Variants in CACNB2 observed in about 807,000 individuals in gnomAD.
The protein encoded by CACNB2 is voltage-dependent L-type calcium channel subunit beta-2.
Under a neutral mutation model 73.3 loss-of-function variants are expected in CACNB2, and 42 were observed. The observed-to-expected ratio is 0.57, with a 90% CI of 0.45 to 0.74. CACNB2 has a LOEUF of 0.74. Ranked by LOEUF, CACNB2 falls within the 30% of genes least tolerant of loss-of-function variation. The pLI is 0.00. For synonymous variants in CACNB2, 348 were observed against 310.3 expected, an observed-to-expected ratio of 1.12 and a Z score of -1.28; for missense variants, 940 against 853.0, an observed-to-expected ratio of 1.10 and a Z score of -1.27.
At chr10:18,183,396 G>A (rs1258882599) in intron 2 of CACNB2, among the ~76,000 whole-genome samples, 1 of 151,984 alleles carries the variant, frequency 6.6e-6, no homozygotes, top group Non-Finnish European at 1.5e-5. Flanking sequence ...TTTTGCCACT[G>A]TATTAGTCCA....
At chr10:18,217,890 C>T (rs1038959743) in intron 2 of CACNB2, among the ~76,000 whole-genome samples, 15 of 152,084 alleles carry the variant, frequency 9.9e-5, no homozygotes, top group Admixed American at 6.6e-4. Context: ...CTTGCCCCTG[C>T]GTTACCCTTG....
rs1336112573 is a variant in CACNB2, at chr10:18,499,613, C to CA, written c.456+1139dup. ...CTGGCGACAGAGTGAGATTCTGTCT[C>CA]AAAGAAAAAAAAAAAAAAAAAAAAA... On this transcript the variant is annotated intron_variant, in intron 4 of 13. Transcript: ENST00000324631. 6.7e-3 allele frequency among the ~76,000 whole-genome samples: 142 copies of CA among 21,342 alleles called. 7 individuals carry two copies. Among genetic ancestry groups the CA allele is most frequent in the African/African-American group, 0.014 (73 of 5,122 alleles). 14.0% of individuals were successfully genotyped at this position (21,342 alleles called of 152,430 possible).
chr10:18,273,859 C>T (rs2131659020), intron 2 of CACNB2, among the ~76,000 whole-genome samples: 1 of 152,314 alleles, frequency 6.6e-6, no homozygotes, highest in South Asian at 2.1e-4. Flanking sequence ...TGAAATACCA[C>T]ATACTCTTTC....
At chr10:18,188,194 TCCTTCCTG>T (rs994399245) in intron 2 of CACNB2, among the ~76,000 whole-genome samples, 2 of 152,090 alleles carry the variant, frequency 1.3e-5, no homozygotes, top group Admixed American at 1.3e-4. Flanking sequence ...CTTATCTCCT[TCCTTCCTG>T]CCTTCCTGCC....
chr10:18,216,306 CAAT>C (rs1457250006), intron 2 of CACNB2, among the ~76,000 whole-genome samples: 2 of 151,654 alleles, frequency 1.3e-5, no homozygotes, highest in African/African-American at 4.9e-5. Context: ...TCAAAAATAG[CAAT>C]AATAAATAAT....
chr10:18,172,924 C>CTTTTTTTTTTTTTTT (rs58345605), intron 2 of CACNB2, among the ~76,000 whole-genome samples: 13 of 117,474 alleles, frequency 1.1e-4, no homozygotes, highest in Admixed American at 2.7e-4. Context: ...ATAATAAGGC[C>CTTTTTTTTTTTTTTT]TTTTTTTTTT....
chr10:18,277,964 C>T (rs924691971), intron 2 of CACNB2, among the ~76,000 whole-genome samples: 4 of 152,162 alleles, frequency 2.6e-5, no homozygotes, highest in South Asian at 2.1e-4. Context: ...ATTAATTAGA[C>T]GTATATTTTG....
chr10:18,408,802 T>C (rs2044444515), intron 3 of CACNB2, among the ~76,000 whole-genome samples: 2 of 152,186 alleles, frequency 1.3e-5, no homozygotes, highest in African/African-American at 4.8e-5. Flanking sequence ...GACGCAAATT[T>C]TTTCTTCAAG....
At chr10:18,165,442 A>T (rs1564309318) in intron 2 of CACNB2, among the ~76,000 whole-genome samples, 1 of 152,220 alleles carries the variant, frequency 6.6e-6, no homozygotes. Context: ...GTGCAAAGGC[A>T]CGATCTATCG....
intron 2 of CACNB2, among the ~76,000 whole-genome samples, chr10:18,264,241 T>G (rs1227117953): frequency 6.6e-6 from 1 of 152,214 alleles, no homozygotes; most frequent in Non-Finnish European, 1.5e-5. Flanking sequence ...GATGCTTGGA[T>G]ACAGGTATGC....
rs1263260106 is a variant in CACNB2 at position 18,428,156 on chromosome 10, G to A, written c.333+26113G>A. Among the ~76,000 whole-genome samples the A allele has an allele frequency of 3.3e-5, 5 of 152,188 alleles. No homozygotes were observed. In the South Asian group the frequency reaches 1.0e-3, roughly 32 times the overall value. On this transcript the variant is annotated intron_variant, in intron 3 of 13. Transcript: ENST00000324631. ...CCAAAGATATGCAGGTGATCCTACTGTTGTCATTTCTGTCTCTGATTTCAG... is the reference window on the plus strand; with the variant it reads ...CCAAAGATATGCAGGTGATCCTACTATTGTCATTTCTGTCTCTGATTTCAG...
chr10:18,496,933 A>G (rs1029360871), intron 3 of CACNB2, among the ~76,000 whole-genome samples: 6 of 150,886 alleles, frequency 4.0e-5, no homozygotes, highest in African/African-American at 1.5e-4. Context: ...AGAAGAGGCC[A>G]GGCATGGTGT....
chr10:18,328,149 T>G (rs1049602786), intron 2 of CACNB2, among the ~76,000 whole-genome samples: 5 of 152,142 alleles, frequency 3.3e-5, no homozygotes, highest in Admixed American at 2.0e-4. Flanking sequence ...GCTGCCAGAA[T>G]TCAAGGGTCA....
chr10:18,480,820 A>C (rs576877553), intron 3 of CACNB2, among the ~76,000 whole-genome samples: 1 of 152,352 alleles, frequency 6.6e-6, no homozygotes, highest in East Asian at 1.9e-4. Context: ...AATATTTATC[A>C]CATCTTTTCA....
intron 3 of CACNB2, among the ~76,000 whole-genome samples, chr10:18,402,891 A>T (rs2044082130): frequency 6.6e-6 from 1 of 152,190 alleles, no homozygotes; most frequent in South Asian, 2.1e-4. Flanking sequence ...ATCATGCTAG[A>T]AATACCAGGA....
At chr10:18,273,609 C>T (rs1277733) in intron 2 of CACNB2, among the ~76,000 whole-genome samples, 121,068 of 152,084 alleles carry the variant, frequency 0.8, 48,255 homozygotes, top group African/African-American at 0.84. Flanking sequence ...ATGGAGTTTA[C>T]AAGGAAACAT....
chr10:18,369,197 C>T (rs1278915353), intron 2 of CACNB2, among the ~76,000 whole-genome samples: 1 of 152,100 alleles, frequency 6.6e-6, no homozygotes, highest in East Asian at 1.9e-4. Flanking sequence ...TAAAATTTGC[C>T]AGAGGCGTAC....
Position 18,278,895 on chromosome 10 carries a change from A to G in CACNB2, c.214-123029A>G, listed in dbSNP as rs58821281. On this transcript the variant is annotated intron_variant, in intron 2 of 13. Coordinates refer to ENST00000324631, the MANE Select transcript of CACNB2 (RefSeq NM_201596.3). ...GCTAGGCCTGGTGGCATGTGCCTAT[A>G]GTTCCAGCTACTTAGGGAGGCTGAG... 6.3e-3 allele frequency among the ~76,000 whole-genome samples: 964 copies of G among 152,228 alleles called. 12 individuals are homozygous for G. The highest frequency in any genetic ancestry group is 0.022 in the African/African-American group (915 of 41,532).
intron 2 of CACNB2, among the ~76,000 whole-genome samples, chr10:18,367,522 A>G: frequency 6.6e-6 from 1 of 152,182 alleles, no homozygotes; most frequent in East Asian, 1.9e-4. Flanking sequence ...ACTTTGGATG[A>G]TTTGTAAATA....
Sources: gnomAD v4.1 joint callset for allele counts (sites outside exome capture counted in the v4.1 genomes callset) on GRCh38, gnomAD v4.1.1 for gene constraint, MANE v1.5 for transcripts, NCBI Gene and HGNC (gene_info 2026-07-23, HGNC 2026-07-21) for gene names.